The following CAMP variants were observed in gnomAD, a reference collection of about 807,000 sequenced individuals.
CAMP encodes 18 kDa cationic antimicrobial protein.
CAMP carries 10 observed loss-of-function variants against 12.7 expected under a neutral mutation model. The ratio of observed to expected loss-of-function variants is 0.79; its 90% CI spans 0.49 to 1.34. The LOEUF is 1.34. CAMP is among the 40% of genes most tolerant of loss of function. The pLI, the probability that CAMP is intolerant of heterozygous loss-of-function variation, is 0.00. For synonymous variants in CAMP, 87 were observed against 85.2 expected (o/e 1.02, Z -0.12); for missense variants, 205 against 213.0 (o/e 0.96, Z 0.23).
Position 48,224,336 on chromosome 3 carries a change from A to C in CAMP, c.202-18A>C. The C allele has an allele frequency of 6.4e-7, 1 of 1,561,824 alleles. No individual in the cohort carries two copies. Among genetic ancestry groups the C allele is most frequent in the Non-Finnish European group, 8.8e-7 (1 of 1,132,572 alleles). On this transcript the variant is annotated intron_variant, in intron 1 of 3. Transcript: ENST00000652295. ...AGAAAATACAAGAATGGGCCTCCCC[A>C]TTTCCTCCTCTGACTAGGATGGGGA...
intron 1 of CAMP, 53 bp downstream of exon 1, chr3:48,223,765 G>T: frequency 7.2e-7 from 1 of 1,398,360 alleles, no homozygotes; most frequent in Non-Finnish European, 1.0e-6. Flanking sequence ...GCCACGTGTT[G>T]TTCCTTCTGC....
chr3:48,224,806 A>G lies in CAMP; in HGVS notation c.381+132A>G, dbSNP rs1297986240. On this transcript the variant is annotated intron_variant, in intron 3 of 3. Transcript: ENST00000652295. ...TACCCAGGGCTCTTCCCCAAACCTGAGTTCCATCTCCAGGGCCGGCTCTGG... is the reference window on the plus strand; with the variant it reads ...TACCCAGGGCTCTTCCCCAAACCTGGGTTCCATCTCCAGGGCCGGCTCTGG... 4 of 720,102 alleles carry G rather than the reference A, an allele frequency of 5.6e-6. No individual in the cohort carries two copies. The Admixed American group carries it at 7.4e-5, about 13-fold the overall frequency. The allele number at this position is 720,102 out of a possible 1,614,324, so 44.6% of individuals were successfully genotyped here.
intron 1 of CAMP, 34 bp from the exon 2 acceptor site, chr3:48,224,320 A>G: frequency 7.0e-7 from 1 of 1,427,918 alleles, no homozygotes; most frequent in Non-Finnish European, 9.9e-7. Context: ...CAGAAAATAC[A>G]AGAATGGGCC....
Position 48,225,418 on chromosome 3 carries a change from G to A in CAMP, c.507G>A (p.Glu169=). 6.2e-7 allele frequency: 1 copy of A among 1,613,028 alleles called. No homozygotes were observed. The highest frequency in any genetic ancestry group is 8.5e-7 in the Non-Finnish European group (1 of 1,179,170). The change falls in exon 4 of 4, where the codon GAG becomes GAA. Residue 169 remains glutamate (E), a synonymous_variant. Transcript: ENST00000652295. ...TGCGGAATCTTGTACCCAGGACAGA[G>A]TCCTAGTGTGTGCCCTACCCTGGCT... ...DFLRNLVPRT[E]S
At chr3:48,225,218 G>A (rs553097079) in intron 3 of CAMP, 75 bp from the exon 4 acceptor site, 6 of 1,495,144 alleles carry the variant, frequency 4.0e-6, no homozygotes, top group Non-Finnish European at 5.6e-6. Flanking sequence ...GGGGCGTCTA[G>A]GTGGGGAGGG....
At position 48,223,623 on chromosome 3, in the gene CAMP, G is replaced by T. The variant is rs777327182; in HGVS notation, c.112G>T (p.Ala38Ser). The change falls in exon 1 of 4, where the codon GCT becomes TCT. Residue 38 changes from alanine (A) to serine (S), a missense_variant. By Grantham distance (99) the Ala-to-Ser change is moderately conservative. Coordinates refer to ENST00000652295, the MANE Select transcript of CAMP (RefSeq NM_004345.5). ...TGCCCAGGTCCTCAGCTACAAGGAA[G>T]CTGTGCTTCGTGCTATAGATGGCAT... ...IIAQVLSYKE[A>S]VLRAIDGINQ... The T allele has an allele frequency of 6.2e-7, 1 of 1,614,194 alleles. No homozygotes were observed. Among genetic ancestry groups the T allele is most frequent in the African/African-American group, 1.3e-5 (1 of 75,064 alleles).
chr3:48,225,167 T>A, intron 3 of CAMP, 126 bp from the exon 4 acceptor site: 1 of 785,804 alleles, frequency 1.3e-6, no homozygotes, highest in Non-Finnish European at 2.2e-6. Context: ...CAGCCAGAGG[T>A]TGAACTGGGG....
chr3:48,224,720 T>C (rs746654012), intron 3 of CAMP, 46 bp downstream of exon 3: 2 of 1,390,690 alleles, frequency 1.4e-6, no homozygotes, highest in Non-Finnish European at 1.0e-6. Flanking sequence ...GGGCATAGAG[T>C]GTGGACCATC....
At chr3:48,224,323 A>T (rs2106814499) in intron 1 of CAMP, 31 bp from the exon 2 acceptor site, 1 of 1,446,534 alleles carries the variant, frequency 6.9e-7, no homozygotes, top group African/African-American at 1.4e-5. Flanking sequence ...AAAATACAAG[A>T]ATGGGCCTCC....
chr3:48,223,786 C>CTG, intron 1 of CAMP, 74 bp downstream of exon 1: 3 of 1,163,522 alleles, frequency 2.6e-6, no homozygotes, highest in Non-Finnish European at 3.8e-6. Flanking sequence ...TCCTGCTGCA[C>CTG]TGCCTGCCAG....
chr3:48,225,435 A>C lies in CAMP; in HGVS notation c.*11A>C. 6.2e-7 allele frequency: 1 copy of C among 1,607,370 alleles called. No individual in the cohort carries two copies. On this transcript the variant is annotated 3_prime_UTR_variant, in exon 4 of 4. Transcript: ENST00000652295. ...AGGACAGAGTCCTAGTGTGTGCCCT[A>C]CCCTGGCTCAGGCTTCTGGGCTCTG...
rs751550174 is a variant in CAMP at position 48,224,681 on chromosome 3, G to T, written c.381+7G>T. The T allele has an allele frequency of 5.0e-6, 8 of 1,606,748 alleles. 1 individual carries two copies. Among genetic ancestry groups the T allele is most frequent in the Middle Eastern group, 3.5e-4 (2 of 5,730 alleles). The stretch of plus-strand genomic sequence containing the variant: ...TGACATCAGTTGTGATAAGGTGAGT[G>T]GGCTGTTCTGGGATGCAGGGGCTGA... On this transcript the variant is annotated splice_region_variant and intron_variant, in intron 3 of 3. Transcript: ENST00000652295.
intron 1 of CAMP, 49 bp from the exon 2 acceptor site, chr3:48,224,305 C>A: frequency 7.6e-7 from 1 of 1,319,848 alleles, no homozygotes; most frequent in Non-Finnish European, 1.1e-6. Flanking sequence ...GTCATGGACA[C>A]AAATCAGAAA....
chr3:48,223,502 C>T lies in CAMP; in HGVS notation c.-10C>T, dbSNP rs1358570356. On this transcript the variant is annotated 5_prime_UTR_variant, in exon 1 of 4. Transcript: ENST00000652295. ...CTCCTGTGGGCTAGAGGGAGGCAGA[C>T]ATGGGGACCATGAAGACCCAAAGGG... 3 of 1,575,664 alleles carry T rather than the reference C, an allele frequency of 1.9e-6. No homozygotes were observed. Among genetic ancestry groups the T allele is most frequent in the African/African-American group, 2.7e-5 (2 of 74,172 alleles).
Position 48,225,465 on chromosome 3 carries a change from A to G in CAMP, c.*41A>G. On this transcript the variant is annotated 3_prime_UTR_variant, in exon 4 of 4. Transcript: ENST00000652295. ...GGCTCAGGCTTCTGGGCTCTGAGAA[A>G]TAAACTATGAGAGCAATTTCCTCAG... is the stretch of plus-strand genomic sequence containing the variant. 3 of 1,581,032 alleles carry G rather than the reference A, an allele frequency of 1.9e-6. No homozygotes were observed. The highest frequency in any genetic ancestry group is 4.5e-5 in the East Asian group (2 of 44,230).
In CAMP at chr3:48,223,549, G is replaced by A. The variant is rs1296573421; in HGVS notation, c.38G>A (p.Trp13Ter). ...TQRDGHSLGR[W>*]SLVLLLLGLV... is the part of the protein sequence containing the mutation. ...AGGGATGGCCACTCCCTGGGGCGGTGGTCACTGGTGCTCCTGCTGCTGGGC... is the reference window on the plus strand; with the variant it reads ...AGGGATGGCCACTCCCTGGGGCGGTAGTCACTGGTGCTCCTGCTGCTGGGC... Residue 13 changes from tryptophan (W) to a stop codon, truncating the protein, a stop_gained, in exon 1 of 4, where the codon TGG (tryptophan) becomes TAG (stop). Coordinates refer to ENST00000652295, the MANE Select transcript of CAMP (RefSeq NM_004345.5). LOFTEE classifies it high-confidence loss of function. 1 of 1,609,818 alleles carries A rather than the reference G, an allele frequency of 6.2e-7. No individual in the cohort carries two copies. Among genetic ancestry groups the A allele is most frequent in the Non-Finnish European group, 8.5e-7 (1 of 1,178,246 alleles).
chr3:48,225,209 G>C (rs761832177), intron 3 of CAMP, 84 bp from the exon 4 acceptor site: 2 of 1,417,854 alleles, frequency 1.4e-6, no homozygotes, highest in East Asian at 4.7e-5. Context: ...CCACGAAGAG[G>C]GGCGTCTAGG....
At position 48,225,433 on chromosome 3, in the gene CAMP, CT is replaced by C; in HGVS notation, c.*10del. ...CCAGGACAGAGTCCTAGTGTGTGCC[CT>C]ACCCTGGCTCAGGCTTCTGGGCTCT... is the stretch of plus-strand genomic sequence containing the variant. On this transcript the variant is annotated 3_prime_UTR_variant, in exon 4 of 4. Transcript: ENST00000652295. 1 of 1,607,888 alleles carries C rather than the reference CT, an allele frequency of 6.2e-7. No homozygotes were observed. The highest frequency in any genetic ancestry group is 1.1e-5 in the South Asian group (1 of 90,734).
At chr3:48,224,207 C>T in intron 1 of CAMP, 147 bp from the exon 2 acceptor site, 1 of 644,348 alleles carries the variant, frequency 1.6e-6, no homozygotes, top group Non-Finnish European at 2.8e-6. Context: ...GCTCAGTCCT[C>T]CTCCCCTCAA....
Sources: allele counts gnomAD v4.1 joint callset, GRCh38; gene constraint gnomAD v4.1.1; transcripts MANE v1.5; gene names NCBI Gene and HGNC (gene_info 2026-07-23, HGNC 2026-07-21).